Variants in RNPS1 observed in about 807,000 individuals in gnomAD.
RNPS1 encodes RNA-binding protein with serine-rich domain 1.
For synonymous variants in RNPS1, 147 were observed against 150.0 expected (o/e 0.98, Z 0.15); for missense variants, 300 against 427.6 (o/e 0.70, Z 2.63).
chr16:2,261,714 A>G (rs1291325969), intron 6 of RNPS1, among the ~76,000 whole-genome samples: 3 of 152,216 alleles, frequency 2.0e-5, no homozygotes, highest in Non-Finnish European at 4.4e-5. Context: ...AAAACATAAA[A>G]TAACGAAGAA....
At chr16:2,259,186 T>C (rs748126337) in intron 6 of RNPS1, among the ~76,000 whole-genome samples, 2 of 151,616 alleles carry the variant, frequency 1.3e-5, no homozygotes, top group African/African-American at 2.4e-5. Context: ...AAAGTGAAAT[T>C]TGGCTTATTT....
chr16:2,253,714 A>C lies in RNPS1; in HGVS notation c.*250T>G. ...CCCTGGTGGCTCTGCCACTGAACTG[A>C]CTCTTAGAAACCGGAAACGGATGAG... On this transcript the variant is annotated 3_prime_UTR_variant, in exon 8 of 8. Transcript: ENST00000320225. 1.6e-6 allele frequency: 1 copy of C among 615,544 alleles called. No homozygotes were observed. The highest frequency in any genetic ancestry group is 2.9e-6 in the Non-Finnish European group (1 of 341,644). 38.1% of individuals were successfully genotyped at this position (615,544 alleles called of 1,614,324 possible).
intron 6 of RNPS1, among the ~76,000 whole-genome samples, chr16:2,260,855 G>T (rs1308455400): frequency 1.3e-5 from 2 of 152,202 alleles, no homozygotes; most frequent in Non-Finnish European, 2.9e-5. Context: ...TGTTGGCTGG[G>T]CATGGTGGCT....
intron 7 of RNPS1, 150 bp downstream of exon 7, chr16:2,255,435 T>C: frequency 1.1e-6 from 1 of 878,486 alleles, no homozygotes; most frequent in Non-Finnish European, 1.7e-6. Context: ...GTGGCCCTCC[T>C]GCTCTCTCCA....
Position 2,253,916 on chromosome 16 carries a change from G to A in RNPS1, c.*48C>T. 1 of 1,492,876 alleles carries A rather than the reference G, an allele frequency of 6.7e-7. No individual in the cohort carries two copies. Among genetic ancestry groups the A allele is most frequent in the Non-Finnish European group, 9.1e-7 (1 of 1,093,650 alleles). The allele number at this position is 1,492,876 out of a possible 1,614,324, so 92.5% of individuals were successfully genotyped here. A position where few individuals can be genotyped will look rare whatever the true frequency, so the allele number is the denominator to read the frequency against. The stretch of plus-strand genomic sequence containing the variant: ...CTTTGGCTAGAAAAGTGACAAAACT[G>A]AGCTGGGTGGGGTATAAGTTACAGG... On this transcript the variant is annotated 3_prime_UTR_variant, in exon 8 of 8. Coordinates refer to ENST00000320225, the MANE Select transcript of RNPS1 (RefSeq NM_080594.4).
chr16:2,264,108 C>T, intron 3 of RNPS1, 68 bp downstream of exon 3: 1 of 1,562,706 alleles, frequency 6.4e-7, no homozygotes, highest in East Asian at 2.2e-5. Flanking sequence ...AAAACCGAGC[C>T]ATCTGTGGGG....
chr16:2,264,133 T>C (rs1182015587), intron 3 of RNPS1, 43 bp downstream of exon 3: 2 of 1,608,632 alleles, frequency 1.2e-6, no homozygotes, highest in Non-Finnish European at 8.5e-7. Context: ...GGGGTGTAGC[T>C]GTGGCACAGG....
intron 6 of RNPS1, 75 bp from the exon 7 acceptor site, chr16:2,255,801 C>A: frequency 6.8e-7 from 1 of 1,475,972 alleles, no homozygotes; most frequent in Non-Finnish European, 9.3e-7. Flanking sequence ...CAGTGAAAGA[C>A]AGGCCTGGGG....
At chr16:2,263,444 C>A (rs1287278972) in intron 3 of RNPS1, among the ~76,000 whole-genome samples, 157 bp from the exon 4 acceptor site, 1 of 152,202 alleles carries the variant, frequency 6.6e-6, no homozygotes, top group African/African-American at 2.4e-5. Context: ...ACCCCCCAAT[C>A]CCCCAGCAAG....
chr16:2,263,118 T>C lies in RNPS1; in HGVS notation c.397A>G (p.Asn133Asp). The C allele has an allele frequency of 6.2e-7, 1 of 1,612,958 alleles. No individual in the cohort carries two copies. The highest frequency in any genetic ancestry group is 8.5e-7 in the Non-Finnish European group (1 of 1,179,858). Reference protein sequence around the residue: ...SPSPSRRRHDNRRRSRSKSKP... With the variant: ...SPSPSRRRHDDRRRSRSKSKP... ...CACTTGGAGCGGGAGCGCCTCCTGTTGTCGTGTCTGCGCCGAGAAGGACTT... is the reference window on the plus strand; with the variant it reads ...CACTTGGAGCGGGAGCGCCTCCTGTCGTCGTGTCTGCGCCGAGAAGGACTT... The change falls in exon 4 of 8, where the codon AAC becomes GAC. Residue 133 changes from asparagine to aspartate, a missense_variant. Coordinates refer to ENST00000320225, the MANE Select transcript of RNPS1 (RefSeq NM_080594.4).
chr16:2,263,103 G>T lies in RNPS1; in HGVS notation c.412C>A (p.Arg138Ser). Residue 138 changes from arginine to serine, a missense_variant, in exon 4 of 8, where the codon CGC becomes AGC. Physicochemically the swap from Arg to Ser is moderately radical, Grantham distance 110. Transcript: ENST00000320225. ...RRRHDNRRRS[R>S]SKSKPPKRDE... is the part of the protein sequence containing the mutation. Reference sequence around the variant, plus strand: ...CAGGCGCAGGGCACTCACTTGGAGCGGGAGCGCCTCCTGTTGTCGTGTCTG... The same window carrying T: ...CAGGCGCAGGGCACTCACTTGGAGCTGGAGCGCCTCCTGTTGTCGTGTCTG... The T allele has an allele frequency of 6.2e-7, 1 of 1,612,388 alleles. No individual in the cohort carries two copies. The highest frequency in any genetic ancestry group is 1.3e-5 in the African/African-American group (1 of 74,986).
At chr16:2,267,685 G>C in intron 1 of RNPS1, 1 of 1,164,718 alleles carries the variant, frequency 8.6e-7, no homozygotes, top group South Asian at 2.8e-5. Context: ...CAGGCGCCGG[G>C]CCGCGAGCGC....
rs2093564493 is a variant in RNPS1, at chr16:2,254,005, G to A, written c.877C>T (p.Arg293Cys). The A allele has an allele frequency of 6.5e-6, 10 of 1,532,890 alleles. No homozygotes were observed. Among genetic ancestry groups the A allele is most frequent in the East Asian group, 2.5e-5 (1 of 40,654 alleles). The allele number at this position is 1,532,890 out of a possible 1,614,324, so 95.0% of individuals were successfully genotyped here. Residue 293 changes from arginine to cysteine, a missense_variant, in exon 8 of 8, where the codon CGC becomes TGC. By Grantham distance (180) the Arg-to-Cys change is radical. Transcript: ENST00000320225. ...GAGCTGGAGCGGCTCCTGTGGCGGC[G>A]GCGGCCCGGGGACCGTGATCTCCGG... Reference protein sequence around the residue: ...VRRRSRSPGRRRHRSRSSSNS... With the variant: ...VRRRSRSPGRCRHRSRSSSNS...
rs373694164 is a variant in RNPS1 at position 2,263,082 on chromosome 16, C to A, written c.419+14G>T. 4 of 1,610,520 alleles carry A rather than the reference C, an allele frequency of 2.5e-6. No individual in the cohort carries two copies. Among genetic ancestry groups the A allele is most frequent in the East Asian group, 2.2e-5 (1 of 44,858 alleles). On this transcript the variant is annotated intron_variant, in intron 4 of 7. Transcript: ENST00000320225. ...GAGCTTGTAAACTTTAGCTCCCAGG[C>A]GCAGGGCACTCACTTGGAGCGGGAG...
intron 4 of RNPS1, 57 bp from the exon 5 acceptor site, chr16:2,262,899 C>T (rs772771704): frequency 2.1e-5 from 31 of 1,494,748 alleles, no homozygotes; most frequent in African/African-American, 6.9e-5. Flanking sequence ...ATGTACTAGA[C>T]GCCTTTCGAG....
At chr16:2,267,275 T>A in intron 1 of RNPS1, 2 of 984,994 alleles carry the variant, frequency 2.0e-6, no homozygotes, top group Non-Finnish European at 2.4e-6. Context: ...TAGTTAAATC[T>A]CGAGGAGAGG....
At chr16:2,254,168 A>G (rs1303909233) in intron 7 of RNPS1, 105 bp from the exon 8 acceptor site, 3 of 812,708 alleles carry the variant, frequency 3.7e-6, no homozygotes, top group Non-Finnish European at 5.5e-6. Context: ...ATGGAATATC[A>G]CTCTGTCTCC....
rs183964008 is a variant in RNPS1 at position 2,253,443 on chromosome 16, G to A, written c.*521C>T. On this transcript the variant is annotated 3_prime_UTR_variant, in exon 8 of 8. Transcript: ENST00000320225. ...TCGGTGCACGGACAGACAGAACCAC[G>A]AGCAGCAACTACCATGGGTGAGAGG... The A allele has an allele frequency of 9.9e-4, 201 of 203,320 alleles. 2 individuals are homozygous for A. Among genetic ancestry groups the A allele is most frequent in the Admixed American group, 2.5e-3 (43 of 17,306 alleles). The allele number at this position is 203,320 out of a possible 1,614,324, so 12.6% of individuals were successfully genotyped here.
chr16:2,262,486 C>A, intron 5 of RNPS1, 55 bp from the exon 6 acceptor site: 1 of 1,590,398 alleles, frequency 6.3e-7, no homozygotes, highest in South Asian at 1.1e-5. Flanking sequence ...TCACGTCAGA[C>A]GCAGAGAGCT....
Sources: allele counts gnomAD v4.1 joint callset (sites outside exome capture counted in the v4.1 genomes callset), GRCh38; gene constraint gnomAD v4.1.1; transcripts MANE v1.5; gene names NCBI Gene and HGNC (gene_info 2026-07-23, HGNC 2026-07-21).